The following SCOC variants were observed in gnomAD, a reference collection of about 807,000 sequenced individuals.
SCOC encodes the protein short coiled coil protein.
In SCOC, 7 loss-of-function variants were observed where a neutral mutation model predicts 9.9. The ratio of observed to expected loss-of-function variants is 0.71; its 90% confidence interval spans 0.40 to 1.33. The LOEUF (loss-of-function observed/expected upper bound fraction) is 1.33, where lower values mean the gene tolerates loss of function less well. Ranked by LOEUF, SCOC falls within the 40% of genes most tolerant of loss-of-function variation. SCOC has a pLI of 0.01. For missense variants in SCOC, 66 were observed against 89.7 expected, an observed-to-expected ratio of 0.74 and a Z score of 1.07; for synonymous variants, 19 against 28.2, an observed-to-expected ratio of 0.67 and a Z score of 1.03.
At chr4:140,377,652 A>T (rs1378178381) in intron 1 of SCOC, among the ~76,000 whole-genome samples, 1 of 152,186 alleles carries the variant, frequency 6.6e-6, no homozygotes, top group Non-Finnish European at 1.5e-5. Flanking sequence ...AGTTCATGTT[A>T]GTATCTAAAG....
At chr4:140,278,461 G>A (rs1161050595) in intron 1 of SCOC, among the ~76,000 whole-genome samples, 1 of 152,090 alleles carries the variant, frequency 6.6e-6, no homozygotes, top group Non-Finnish European at 1.5e-5. Context: ...CACCACGCCT[G>A]GCTAATTTTT....
upstream of SCOC, among the ~76,000 whole-genome samples, chr4:140,340,830 T>G (rs1726489092): frequency 7.1e-6 from 1 of 140,874 alleles, no homozygotes; most frequent in African/African-American, 2.7e-5. Context: ...CTCGCTCTGT[T>G]GCCCAGGCTG....
chr4:140,258,064 C>T (rs1000540215), intron 1 of SCOC, among the ~76,000 whole-genome samples: 1 of 152,202 alleles, frequency 6.6e-6, no homozygotes, highest in Admixed American at 6.5e-5. Flanking sequence ...TCCGGCTGCT[C>T]CCACTCTCAG....
chr4:140,267,345 C>T (rs1464380464), intron 1 of SCOC, among the ~76,000 whole-genome samples: 1 of 152,100 alleles, frequency 6.6e-6, no homozygotes, highest in Admixed American at 6.5e-5. Context: ...GGCTTGAGAC[C>T]TTTGAACGTG....
At position 140,379,658 on chromosome 4, in the gene SCOC, C is replaced by T. The variant is rs1229073078; in HGVS notation, c.106+6C>T. The T allele has an allele frequency of 6.3e-7, 1 of 1,591,742 alleles. No individual in the cohort carries two copies. The highest frequency in any genetic ancestry group is 1.3e-5 in the African/African-American group (1 of 74,076). On this transcript the variant is annotated splice_donor_region_variant and intron_variant, in intron 3 of 3. Transcript: ENST00000608372. ...ACTCCAACACACACTTGAAGGTTGG[C>T]TTGCATTTTGTAGTTTATTTGAATG...
chr4:140,353,418 T>C lies in SCOC; in HGVS notation c.70+9710T>C, dbSNP rs1193287185. On this transcript the variant is annotated intron_variant, in intron 2 of 4. Transcript: ENST00000338517. ...CATTTTCTTTTTTTCTTTTTCTTTT[T>C]TTTTTTTTTTTGAGACGAAGTCTCT... is the stretch of plus-strand genomic sequence containing the variant. Among the ~76,000 whole-genome samples the C allele has an allele frequency of 2.7e-5, 4 of 150,800 alleles. No individual in the cohort carries two copies. In the East Asian group the frequency reaches 5.8e-4, roughly 22 times the overall value.
intron 1 of SCOC, among the ~76,000 whole-genome samples, chr4:140,309,419 G>T (rs950528385): frequency 7.9e-5 from 12 of 152,138 alleles, no homozygotes; most frequent in African/African-American, 2.9e-4. Context: ...TGGAGAAGTG[G>T]CTGCACTCAG....
chr4:140,367,291 C>T (rs1362697111), intron 2 of SCOC, among the ~76,000 whole-genome samples: 2 of 152,106 alleles, frequency 1.3e-5, no homozygotes, highest in African/African-American at 4.8e-5. Context: ...ACCCTGACTT[C>T]TATGCTCTTC....
In SCOC at chr4:140,364,117, T is replaced by C. The variant is rs147899354; in HGVS notation, c.71-15004T>C. ...GCAAGCATGAAAAACTTACACTTTT[T>C]GCAAAATACCTTTTTATCTAGTATT... On this transcript the variant is annotated intron_variant, in intron 2 of 4. Transcript: ENST00000338517. Among the ~76,000 whole-genome samples, 501 of 152,134 alleles carry C rather than the reference T, an allele frequency of 3.3e-3. 2 individuals are homozygous for C. Among genetic ancestry groups the C allele is most frequent in the South Asian group, 1.0e-2 (48 of 4,814 alleles).
At chr4:140,334,595 G>A (rs1356055256) in intron 1 of SCOC, among the ~76,000 whole-genome samples, 1 of 151,946 alleles carries the variant, frequency 6.6e-6, no homozygotes, top group African/African-American at 2.4e-5. Flanking sequence ...TGTGGTAAGA[G>A]CGCTTAATGT....
intron 2 of SCOC, 108 bp from the exon 3 acceptor site, chr4:140,379,461 A>G (rs1560732352): frequency 3.6e-6 from 3 of 825,172 alleles, no homozygotes; most frequent in East Asian, 2.6e-5. Context: ...GGGCTCTTGT[A>G]TAAGTCAAGT....
chr4:140,322,867 A>T (rs1732539702), intron 1 of SCOC, among the ~76,000 whole-genome samples: 7 of 152,148 alleles, frequency 4.6e-5, no homozygotes, highest in Admixed American at 4.6e-4. Context: ...ATTCATCAAG[A>T]CAACAAGAGA....
chr4:140,351,528 C>A (rs1393523430), intron 2 of SCOC, among the ~76,000 whole-genome samples: 1 of 152,062 alleles, frequency 6.6e-6, no homozygotes, highest in Admixed American at 6.6e-5. Flanking sequence ...TCTGCGTCTG[C>A]TTTTGGTGTC....
intron 1 of SCOC, among the ~76,000 whole-genome samples, chr4:140,297,230 G>A (rs1484690981): frequency 6.7e-6 from 1 of 148,406 alleles, no homozygotes; most frequent in Non-Finnish European, 1.5e-5. Context: ...GGAGAGGCGC[G>A]GAGGGAAAAT....
At chr4:140,275,261 G>A (rs904474024) in intron 1 of SCOC, among the ~76,000 whole-genome samples, 1 of 152,148 alleles carries the variant, frequency 6.6e-6, no homozygotes, top group African/African-American at 2.4e-5. Context: ...CTATTACAAT[G>A]TTTATTATGC....
At chr4:140,320,440 A>G (rs1447727007) in intron 1 of SCOC, among the ~76,000 whole-genome samples, 1 of 152,088 alleles carries the variant, frequency 6.6e-6, no homozygotes, top group Non-Finnish European at 1.5e-5. Flanking sequence ...CTTTCACTTT[A>G]CTGTATGGAC....
intron 1 of SCOC, among the ~76,000 whole-genome samples, chr4:140,312,450 G>A (rs994784337): frequency 1.3e-5 from 2 of 152,050 alleles, no homozygotes; most frequent in African/African-American, 4.8e-5. Context: ...TTATTTTTGA[G>A]ACAGGTCTAG....
chr4:140,283,637 A>G (rs1392941230), intron 1 of SCOC: 1 of 152,204 alleles, frequency 6.6e-6, no homozygotes, highest in Non-Finnish European at 1.5e-5. Flanking sequence ...TGAATGTGGA[A>G]AGAAACATGA....
chr4:140,319,759 A>G (rs1732443878), intron 1 of SCOC, among the ~76,000 whole-genome samples: 2 of 151,752 alleles, frequency 1.3e-5, no homozygotes, highest in South Asian at 4.2e-4. Flanking sequence ...AACAATGAGA[A>G]AAAAAAAACT....
Sources: allele counts gnomAD v4.1 joint callset (sites outside exome capture counted in the v4.1 genomes callset), GRCh38; gene constraint gnomAD v4.1.1; transcripts MANE v1.5; gene names NCBI Gene and HGNC (gene_info 2026-07-23, HGNC 2026-07-21).